Variants in RIC3 observed in about 807,000 individuals in gnomAD.
RIC3 encodes the protein RIC3 acetylcholine receptor chaperone, also known as protein RIC-3.
A neutral mutation model predicts 27.3 loss-of-function variants in RIC3; 28 were observed. That is an observed-to-expected ratio of 1.02 (90% CI 0.76 to 1.41). The LOEUF is 1.41. Among genes scored for constraint, RIC3 ranks in the 40% most tolerant of loss-of-function variants. RIC3 has a pLI of 0.00. For synonymous variants in RIC3, 184 were observed against 160.4 expected, an observed-to-expected ratio of 1.15 and a Z score of -1.11; for missense variants, 501 against 444.7, an observed-to-expected ratio of 1.13 and a Z score of -1.14.
intron 4 of RIC3, among the ~76,000 whole-genome samples, chr11:8,130,808 A>G (rs1947598291): frequency 6.6e-6 from 1 of 152,186 alleles, no homozygotes; most frequent in African/African-American, 2.4e-5. Context: ...AGTATATGCC[A>G]AGTCCAGAGG....
rs574300087 is a variant in RIC3 at position 8,124,944 on chromosome 11, A to G, written c.670+1715T>C. 6.6e-5 allele frequency among the ~76,000 whole-genome samples: 10 copies of G among 152,268 alleles called. 2 individuals carry two copies. Among genetic ancestry groups the G allele is most frequent in the African/African-American group, 1.9e-4 (8 of 41,572 alleles). ...AATTGGGAAACCTTGGGTTAGCCAAATATTTCTTAAACAGAACATAAAAAA... is the reference window on the plus strand; with the variant it reads ...AATTGGGAAACCTTGGGTTAGCCAAGTATTTCTTAAACAGAACATAAAAAA... On this transcript the variant is annotated intron_variant, in intron 5 of 5. Transcript: ENST00000309737.
chr11:8,138,434 G>T, intron 2 of RIC3, 87 bp from the exon 3 acceptor site: 1 of 777,204 alleles, frequency 1.3e-6, no homozygotes, highest in Non-Finnish European at 2.1e-6. Context: ...AAAAAAGGTT[G>T]GGAAACAAAA....
chr11:8,115,613 G>C (rs531858722), intron 5 of RIC3, among the ~76,000 whole-genome samples: 10 of 152,130 alleles, frequency 6.6e-5, no homozygotes, highest in Non-Finnish European at 5.9e-5. Flanking sequence ...TTCGAGACCA[G>C]CCTGACCAAC....
intron 4 of RIC3, among the ~76,000 whole-genome samples, chr11:8,131,599 C>T (rs1352617792): frequency 6.6e-6 from 1 of 151,820 alleles, no homozygotes; most frequent in Non-Finnish European, 1.5e-5. Flanking sequence ...CATACAAATG[C>T]TTAATCAAAA....
At chr11:8,137,356 G>C (rs772153931) in intron 4 of RIC3, 22 bp downstream of exon 4, 1 of 1,592,286 alleles carries the variant, frequency 6.3e-7, no homozygotes, top group African/African-American at 1.3e-5. Flanking sequence ...AATAGTCTGA[G>C]TCCCGTTACA....
At position 8,110,551 on chromosome 11, in the gene RIC3, A is replaced by T; in HGVS notation, c.*147T>A. ...GGTGACAGGTGTGTGAGCACCAGGA[A>T]GGATACATGATATCCATGATAGTGG... On this transcript the variant is annotated 3_prime_UTR_variant, in exon 6 of 6. Transcript: ENST00000309737. 1 of 761,780 alleles carries T rather than the reference A, an allele frequency of 1.3e-6. No homozygotes were observed. The highest frequency in any genetic ancestry group is 2.3e-6 in the Non-Finnish European group (1 of 430,806). 47.2% of individuals were successfully genotyped at this position (761,780 alleles called of 1,614,324 possible).
In RIC3 at chr11:8,107,052, A is replaced by C. The variant is rs927191460; in HGVS notation, c.*3646T>G. 1 of 152,226 alleles carries C rather than the reference A, an allele frequency of 6.6e-6. No individual in the cohort carries two copies. Among genetic ancestry groups the C allele is most frequent in the Non-Finnish European group, 1.5e-5 (1 of 68,040 alleles). 9.4% of individuals were successfully genotyped at this position (152,226 alleles called of 1,614,324 possible). On this transcript the variant is annotated 3_prime_UTR_variant, in exon 6 of 6. Transcript: ENST00000309737. ...AATTCATGGGGAAACTGGTTCTCTG[A>C]GAGGTTAAGGAATGACCTAAGAGGA...
At chr11:8,118,748 G>A (rs1260850310) in intron 5 of RIC3, among the ~76,000 whole-genome samples, 1 of 151,802 alleles carries the variant, frequency 6.6e-6, no homozygotes, top group Non-Finnish European at 1.5e-5. Context: ...GCGGGCACCT[G>A]TAGTCCCAGC....
the RIC3 span, chr11:8,100,915 C>T: frequency 1.9e-6 from 3 of 1,614,040 alleles, no homozygotes; most frequent in South Asian, 2.2e-5. Context: ...GGAATGATGA[C>T]ACACAGTCCT....
chr11:8,153,205 T>C (rs970749376), intron 1 of RIC3, among the ~76,000 whole-genome samples: 4 of 152,232 alleles, frequency 2.6e-5, no homozygotes, highest in Admixed American at 6.5e-5. Flanking sequence ...AGAAGAAATC[T>C]GAGTACTTTA....
chr11:8,098,637 TG>T, the RIC3 span: 1 of 720,932 alleles, frequency 1.4e-6, no homozygotes, highest in Non-Finnish European at 2.4e-6. Flanking sequence ...TATGCCTCCC[TG>T]GGCCTGCTCC....
intron 5 of RIC3, among the ~76,000 whole-genome samples, chr11:8,118,668 G>A (rs377508579): frequency 2.0e-5 from 3 of 151,714 alleles, no homozygotes; most frequent in Admixed American, 1.3e-4. Flanking sequence ...AAGAGTTCGA[G>A]ACCAGCCTGA....
chr11:8,100,523 C>G, the RIC3 span: 1 of 1,614,112 alleles, frequency 6.2e-7, no homozygotes, highest in Admixed American at 1.7e-5. Flanking sequence ...TCTTAGGCTT[C>G]AAGGGGCCTC....
intron 5 of RIC3, among the ~76,000 whole-genome samples, chr11:8,118,511 T>C (rs1247216826): frequency 2.8e-5 from 1 of 35,192 alleles, no homozygotes; most frequent in African/African-American, 1.1e-4. Context: ...AGCTATTGAA[T>C]AGAAAGCCAT....
At chr11:8,104,619 C>T (rs1275851084), downstream of RIC3, 1 of 152,148 alleles carries the variant, frequency 6.6e-6, no homozygotes, top group Non-Finnish European at 1.5e-5. Context: ...TGGGAAGATA[C>T]CAGCTTTTTC....
chr11:8,133,126 G>A (rs182609365), intron 4 of RIC3, among the ~76,000 whole-genome samples: 87 of 152,248 alleles, frequency 5.7e-4, no homozygotes, highest in African/African-American at 1.5e-3. Flanking sequence ...CCCAAGATGG[G>A]CTGTTATAAA....
At chr11:8,133,255 T>G (rs1003234507) in intron 4 of RIC3, among the ~76,000 whole-genome samples, 3 of 152,226 alleles carry the variant, frequency 2.0e-5, no homozygotes, top group Non-Finnish European at 2.9e-5. Context: ...AACCTTGGAC[T>G]TCACAGCCTC....
At position 8,137,454 on chromosome 11, in the gene RIC3, G is replaced by C; in HGVS notation, c.445C>G (p.Gln149Glu). The part of the protein sequence containing the change: ...HRKITSFELA[Q>E]LQEKLKETEA... ...GTCTCCTTCAGTTTTTCTTGCAGTT[G>C]AGCAAGCTCAAAACTGGCTAAAAAA... Residue 149 changes from glutamine to glutamate, a missense_variant, in exon 4 of 6, where the codon CAA becomes GAA. By Grantham distance (29) the Gln-to-Glu change is conservative. Coordinates refer to ENST00000309737, the MANE Select transcript of RIC3 (RefSeq NM_001206671.4). The C allele has an allele frequency of 1.2e-6, 2 of 1,613,848 alleles. No homozygotes were observed. The highest frequency in any genetic ancestry group is 1.7e-6 in the Non-Finnish European group (2 of 1,180,002).
intron 1 of RIC3, among the ~76,000 whole-genome samples, chr11:8,154,649 AATTT>A (rs1346509761): frequency 6.6e-6 from 1 of 152,070 alleles, no homozygotes; most frequent in Non-Finnish European, 1.5e-5. Flanking sequence ...ACCATATTAT[AATTT>A]ATTTACCCCT....
Sources: gnomAD v4.1 joint callset for allele counts (sites outside exome capture counted in the v4.1 genomes callset) on GRCh38, gnomAD v4.1.1 for gene constraint, MANE v1.5 for transcripts, NCBI Gene and HGNC (gene_info 2026-07-23, HGNC 2026-07-21) for gene names.